Variants in DCX observed in about 807,000 individuals in gnomAD.
The protein encoded by DCX is neuronal migration protein doublecortin.
A neutral mutation model predicts 20.9 loss-of-function variants in DCX; 4 were observed. That is an observed-to-expected ratio of 0.19 (90% CI 0.09 to 0.44). The LOEUF (loss-of-function observed/expected upper bound fraction) is 0.44. DCX is among the 20% of genes least tolerant of loss of function. The pLI, the probability that DCX is intolerant of heterozygous loss-of-function variation, is 0.99. For missense variants in DCX, 133 were observed against 296.9 expected, an observed-to-expected ratio of 0.45 and a Z score of 4.06; for synonymous variants, 103 against 111.4, an observed-to-expected ratio of 0.92 and a Z score of 0.47.
At chrX:111,381,842 G>A (rs149141505) in intron 3 of DCX, among the ~76,000 whole-genome samples, 213 of 111,710 alleles carry the variant, frequency 1.9e-3, no homozygotes, top group African/African-American at 6.6e-3. Context: ...AAAGATATAG[G>A]TTCTTATTTC....
chrX:111,402,228 C>T (rs1927847809), intron 2 of DCX, among the ~76,000 whole-genome samples: 1 of 111,535 alleles, frequency 9.0e-6, no homozygotes, highest in South Asian at 3.8e-4. Flanking sequence ...TTGGAAGGAT[C>T]TAGTGTAATT....
chrX:111,373,052 AAT>A (rs1161464883), intron 3 of DCX, among the ~76,000 whole-genome samples: 85 of 82,974 alleles, frequency 1.0e-3, no homozygotes, highest in African/African-American at 5.2e-3. Context: ...CTGATAACAC[AAT>A]GAAATGAAAT....
chrX:111,324,918 C>A (rs1328986045), intron 5 of DCX, among the ~76,000 whole-genome samples: 1 of 111,467 alleles, frequency 9.0e-6, no homozygotes, highest in Non-Finnish European at 1.9e-5. Flanking sequence ...TCACCATATA[C>A]CATGCACTAT....
At chrX:111,390,440 T>G (rs1470944796) in intron 3 of DCX, among the ~76,000 whole-genome samples, 2 of 112,184 alleles carry the variant, frequency 1.8e-5, no homozygotes, top group Non-Finnish European at 3.8e-5. Flanking sequence ...TGTGGTAACT[T>G]ACTACACAGC....
chrX:111,308,150 C>T (rs1332612942), intron 6 of DCX, among the ~76,000 whole-genome samples: 1 of 112,426 alleles, frequency 8.9e-6, no homozygotes, highest in African/African-American at 3.2e-5. Flanking sequence ...CAGAAACACA[C>T]ATATTGCTTA....
chrX:111,342,388 C>T (rs1478456220), intron 3 of DCX, among the ~76,000 whole-genome samples: 4 of 47,153 alleles, frequency 8.5e-5, no homozygotes, highest in African/African-American at 2.4e-4. Context: ...TATATCCATC[C>T]AATACAGGAG....
At chrX:111,347,497 C>A (rs1002181229) in intron 3 of DCX, among the ~76,000 whole-genome samples, 1 of 111,479 alleles carries the variant, frequency 9.0e-6, no homozygotes, top group Non-Finnish European at 1.9e-5. Flanking sequence ...CAGAAAATGA[C>A]CCATCCCAGG....
Position 111,294,523 on chromosome X carries a change from G to A in DCX, c.*7164C>T, listed in dbSNP as rs1201749512. 9.0e-6 allele frequency: 1 copy of A among 111,226 alleles called. No individual in the cohort carries two copies. Among genetic ancestry groups the A allele is most frequent in the Non-Finnish European group, 1.9e-5 (1 of 53,091 alleles). 9.2% of individuals were successfully genotyped at this position (111,226 alleles called of 1,213,427 possible). A position where few individuals can be genotyped will look rare whatever the true frequency, so the allele number is the denominator to read the frequency against. On this transcript the variant is annotated 3_prime_UTR_variant, in exon 7 of 7. Coordinates refer to ENST00000636035, the MANE Select transcript of DCX (RefSeq NM_001195553.2). ...GATTTTTACGTAAAGTTGAGTCTTT[G>A]ATCACAATGCTGTTCCTTAAGAAAT...
intron 4 of DCX, among the ~76,000 whole-genome samples, chrX:111,332,760 T>A (rs1345001010): frequency 8.9e-6 from 1 of 112,097 alleles, no homozygotes; most frequent in African/African-American, 3.2e-5. Context: ...GTGGTCTGAT[T>A]GTGCCTGTTA....
At chrX:111,384,422 T>C (rs1202973894) in intron 3 of DCX, among the ~76,000 whole-genome samples, 1 of 111,420 alleles carries the variant, frequency 9.0e-6, no homozygotes, top group Non-Finnish European at 1.9e-5. Flanking sequence ...TCTATGAACA[T>C]GATAATGCCT....
intron 6 of DCX, among the ~76,000 whole-genome samples, chrX:111,302,805 T>C (rs2095036919): frequency 8.9e-6 from 1 of 112,009 alleles, no homozygotes; most frequent in South Asian, 3.7e-4. Context: ...AATTAGATTT[T>C]TTTCTTACTG....
At position 111,301,451 on chromosome X, in the gene DCX, C is replaced by T; in HGVS notation, c.*236G>A. Reference sequence around the variant, plus strand: ...CACATTTTGCATCCCTGGAATGCTGCCCCAAAGGATGGTTATCAATCTATC... The same window carrying T: ...CACATTTTGCATCCCTGGAATGCTGTCCCAAAGGATGGTTATCAATCTATC... On this transcript the variant is annotated 3_prime_UTR_variant, in exon 7 of 7. Coordinates refer to ENST00000636035, the MANE Select transcript of DCX (RefSeq NM_001195553.2). The T allele has an allele frequency of 2.3e-6, 1 of 438,981 alleles. No individual in the cohort carries two copies. The highest frequency in any genetic ancestry group is 4.1e-6 in the Non-Finnish European group (1 of 246,201). The allele number at this position is 438,981 out of a possible 1,213,427, so 36.2% of individuals were successfully genotyped here.
intron 5 of DCX, among the ~76,000 whole-genome samples, chrX:111,319,565 T>C (rs1029373283): frequency 8.9e-6 from 1 of 112,156 alleles, no homozygotes; most frequent in African/African-American, 3.2e-5. Context: ...GGCAAGAGTC[T>C]GTGGAGTCGC....
intron 3 of DCX, among the ~76,000 whole-genome samples, chrX:111,351,432 T>C (rs746450709): frequency 8.9e-6 from 1 of 112,462 alleles, no homozygotes; most frequent in African/African-American, 3.2e-5. Context: ...TCTTTTAGAA[T>C]TCAACTGCAA....
chrX:111,313,191 G>C lies in DCX; in HGVS notation c.947-455C>G, dbSNP rs767411286. Among the ~76,000 whole-genome samples, 5 of 110,997 alleles carry C rather than the reference G, an allele frequency of 4.5e-5. No homozygotes were observed. The East Asian group carries it at 1.1e-3, about 25-fold the overall frequency. Reference sequence around the variant, plus strand: ...CCAGTGCACATTTCCTTTGGTGCCAGATGATGGGGTAGGTGAAAGACAGCC... The same window carrying C: ...CCAGTGCACATTTCCTTTGGTGCCACATGATGGGGTAGGTGAAAGACAGCC... On this transcript the variant is annotated intron_variant, in intron 5 of 6. Coordinates refer to ENST00000636035, the MANE Select transcript of DCX (RefSeq NM_001195553.2).
intron 3 of DCX, among the ~76,000 whole-genome samples, chrX:111,396,641 A>T (rs887392580): frequency 1.8e-5 from 2 of 112,379 alleles, no homozygotes; most frequent in African/African-American, 6.5e-5. Flanking sequence ...CATCACTTTT[A>T]TGCATGAAAG....
intron 6 of DCX, 120 bp downstream of exon 6, chrX:111,312,519 G>T: frequency 3.0e-6 from 2 of 668,011 alleles, no homozygotes; most frequent in Admixed American, 2.7e-5. Context: ...AGCTAATGAA[G>T]CCAGATGAAG....
intron 3 of DCX, among the ~76,000 whole-genome samples, chrX:111,340,286 C>T (rs1219668786): frequency 8.9e-6 from 1 of 111,947 alleles, no homozygotes; most frequent in Non-Finnish European, 1.9e-5. Context: ...TCAGGCCTGA[C>T]CCTGACTCAT....
At chrX:111,341,873 A>C (rs778417717) in intron 3 of DCX, among the ~76,000 whole-genome samples, 2 of 111,148 alleles carry the variant, frequency 1.8e-5, no homozygotes, top group Non-Finnish European at 3.8e-5. Context: ...CTCCTGAAAG[A>C]AGCACTAAAT....
Sources: gnomAD v4.1 joint callset for allele counts (sites outside exome capture counted in the v4.1 genomes callset) on GRCh38, gnomAD v4.1.1 for gene constraint, MANE v1.5 for transcripts, NCBI Gene and HGNC (gene_info 2026-07-23, HGNC 2026-07-21) for gene names.